Variants in DCC observed in about 807,000 individuals in gnomAD.
DCC encodes the protein DCC netrin 1 receptor.
Under a neutral mutation model 172.5 loss-of-function variants are expected in DCC, and 58 were observed. The ratio of observed to expected loss-of-function variants is 0.34; its 90% CI spans 0.27 to 0.42. The LOEUF (loss-of-function observed/expected upper bound fraction) is 0.42. Among genes scored for constraint, DCC ranks in the 10% least tolerant of loss-of-function variants. The probability of loss-of-function intolerance (pLI) is 1.00; values close to 1 mark genes in which losing one functional copy is unlikely to be tolerated. For synonymous variants in DCC, 709 were observed against 644.5 expected (o/e 1.10, Z -1.52); for missense variants, 1,740 against 1,791.0 (o/e 0.97, Z 0.51).
chr18:53,208,021 T>C lies in DCC; in HGVS notation c.1861+204T>C, dbSNP rs2055680679. Reference sequence around the variant, plus strand: ...GTTCACACAGGTAATCCTAGCACTTTAAGAGACTGAGGCAGGAGGATGAGT... The same window carrying C: ...GTTCACACAGGTAATCCTAGCACTTCAAGAGACTGAGGCAGGAGGATGAGT... On this transcript the variant is annotated intron_variant, in intron 11 of 28. Transcript: ENST00000442544. Among the ~76,000 whole-genome samples, 2 of 151,996 alleles carry C rather than the reference T, an allele frequency of 1.3e-5. 1 individual carries two copies.
At chr18:53,081,224 G>A (rs1004600837) in intron 7 of DCC, among the ~76,000 whole-genome samples, 4 of 151,842 alleles carry the variant, frequency 2.6e-5, no homozygotes, top group Admixed American at 6.6e-5. Context: ...AGACTAAATA[G>A]TTTAATATGG....
intron 1 of DCC, among the ~76,000 whole-genome samples, chr18:52,640,480 G>A (rs930009942): frequency 6.6e-6 from 1 of 152,112 alleles, no homozygotes; most frequent in Non-Finnish European, 1.5e-5. Context: ...CCTCCAGAAA[G>A]CTCTTAGAAC....
intron 2 of DCC, among the ~76,000 whole-genome samples, chr18:52,762,954 C>G (rs764005749): frequency 8.5e-5 from 13 of 152,150 alleles, no homozygotes; most frequent in Non-Finnish European, 1.6e-4. Context: ...TTAGGTTACC[C>G]AGAGATATTT....
intron 2 of DCC, among the ~76,000 whole-genome samples, chr18:52,791,149 CT>C (rs2037759151): frequency 6.6e-6 from 1 of 152,106 alleles, no homozygotes; most frequent in Non-Finnish European, 1.5e-5. Flanking sequence ...CCAGGAGTTG[CT>C]TTTCTAATTT....
At chr18:53,502,081 C>T (rs1213664615) in intron 27 of DCC, among the ~76,000 whole-genome samples, 1 of 152,082 alleles carries the variant, frequency 6.6e-6, no homozygotes, top group East Asian at 1.9e-4. Context: ...GGCAAAATCT[C>T]GTTTTCTTTT....
chr18:52,874,447 AT>A (rs1274959296), intron 2 of DCC, among the ~76,000 whole-genome samples: 1 of 152,226 alleles, frequency 6.6e-6, no homozygotes, highest in African/African-American at 2.4e-5. Flanking sequence ...AAATACAAAA[AT>A]AAAATTGTTT....
chr18:52,735,495 A>G (rs764905391), intron 1 of DCC, among the ~76,000 whole-genome samples: 1 of 152,134 alleles, frequency 6.6e-6, no homozygotes, highest in Admixed American at 6.6e-5. Flanking sequence ...ACAATAGGCC[A>G]TCTGCAGTCT....
At chr18:53,355,274 A>G (rs1299642923) in intron 15 of DCC, among the ~76,000 whole-genome samples, 3 of 132,656 alleles carry the variant, frequency 2.3e-5, no homozygotes, top group African/African-American at 8.5e-5. Context: ...TTTTGGTTCC[A>G]TATGAACCTT....
intron 27 of DCC, among the ~76,000 whole-genome samples, chr18:53,514,360 A>G (rs2144555439): frequency 6.6e-6 from 1 of 152,306 alleles, no homozygotes; most frequent in South Asian, 2.1e-4. Flanking sequence ...GAAAGATCCA[A>G]AATTGACACC....
chr18:52,841,805 C>A (rs558524534), intron 2 of DCC, among the ~76,000 whole-genome samples: 2 of 152,036 alleles, frequency 1.3e-5, no homozygotes, highest in African/African-American at 4.8e-5. Flanking sequence ...GCCATTCCCC[C>A]CTCCTCCCAT....
At chr18:53,128,991 A>G (rs1462766747) in intron 7 of DCC, among the ~76,000 whole-genome samples, 1 of 151,024 alleles carries the variant, frequency 6.6e-6, no homozygotes, top group African/African-American at 2.4e-5. Context: ...GGTTCAAGCT[A>G]TTCTCCTGCC....
chr18:52,404,131 T>C (rs903885673), intron 1 of DCC, among the ~76,000 whole-genome samples: 1 of 151,992 alleles, frequency 6.6e-6, no homozygotes, highest in Non-Finnish European at 1.5e-5. Flanking sequence ...CAATGATACA[T>C]GGACTTATCA....
At chr18:53,323,519 A>T (rs2057434327) in intron 14 of DCC, among the ~76,000 whole-genome samples, 1 of 152,164 alleles carries the variant, frequency 6.6e-6, no homozygotes, top group Non-Finnish European at 1.5e-5. Flanking sequence ...TTTCTCATGG[A>T]GCTTGGAGAA....
chr18:52,661,929 G>C (rs1215313877), intron 1 of DCC, among the ~76,000 whole-genome samples: 1 of 152,134 alleles, frequency 6.6e-6, no homozygotes, highest in Non-Finnish European at 1.5e-5. Context: ...ATAAGAAAAA[G>C]TGTTCAGAAA....
At chr18:52,811,714 TTTCA>T (rs1479530564) in intron 2 of DCC, among the ~76,000 whole-genome samples, 5 of 152,174 alleles carry the variant, frequency 3.3e-5, no homozygotes, top group African/African-American at 1.2e-4. Context: ...CTTTGTAGCT[TTTCA>T]TTATTTTTAT....
chr18:53,433,354 T>A (rs1911742373), intron 21 of DCC, among the ~76,000 whole-genome samples: 1 of 152,136 alleles, frequency 6.6e-6, no homozygotes, highest in Non-Finnish European at 1.5e-5. Flanking sequence ...CAGGGAGAGT[T>A]GGAAACTTCA....
In DCC at chr18:53,037,205, G is replaced by A. The variant is rs115237247; in HGVS notation, c.986-26100G>A. On this transcript the variant is annotated intron_variant, in intron 5 of 28. Coordinates refer to ENST00000442544, the MANE Select transcript of DCC (RefSeq NM_005215.4). ...TGCAAGTGAAGCCATCCTGGATTTCGTTTCTTTGTGTTCTAATTTAGATTC... is the reference window on the plus strand; with the variant it reads ...TGCAAGTGAAGCCATCCTGGATTTCATTTCTTTGTGTTCTAATTTAGATTC... 6.8e-3 allele frequency among the ~76,000 whole-genome samples: 1,037 copies of A among 152,046 alleles called. 14 individuals are homozygous for A. Among genetic ancestry groups the A allele is most frequent in the African/African-American group, 0.024 (994 of 41,522 alleles).
chr18:53,072,913 T>C (rs2042675234), intron 7 of DCC, among the ~76,000 whole-genome samples: 1 of 152,282 alleles, frequency 6.6e-6, no homozygotes, highest in Non-Finnish European at 1.5e-5. Flanking sequence ...GCCTTAATAT[T>C]ATATCCTGCA....
In DCC at chr18:52,598,602, G is replaced by A. The variant is rs138798885; in HGVS notation, c.92-153452G>A. Among the ~76,000 whole-genome samples, 557 of 152,268 alleles carry A rather than the reference G, an allele frequency of 3.7e-3. 5 individuals carry two copies. Among genetic ancestry groups the A allele is most frequent in the Middle Eastern group, 0.02 (6 of 294 alleles). On this transcript the variant is annotated intron_variant, in intron 1 of 28. Coordinates refer to ENST00000442544, the MANE Select transcript of DCC (RefSeq NM_005215.4). ...AGAGAGCCAGCTGCAGGCCTCTTGT[G>A]CATGTCAAGGAGCTCAGGCTCTATT... is the stretch of plus-strand genomic sequence containing the variant.
Sources: gnomAD v4.1 joint callset for allele counts (sites outside exome capture counted in the v4.1 genomes callset) on GRCh38, gnomAD v4.1.1 for gene constraint, MANE v1.5 for transcripts, NCBI Gene and HGNC (gene_info 2026-07-23, HGNC 2026-07-21) for gene names.